Variants in ATP10B observed in about 807,000 individuals in gnomAD.
The protein encoded by ATP10B is phospholipid-transporting ATPase VB.
A neutral mutation model predicts 141.2 loss-of-function variants in ATP10B; 122 were observed. The ratio of observed to expected loss-of-function variants is 0.86; its 90% confidence interval spans 0.75 to 1.00. The LOEUF (loss-of-function observed/expected upper bound fraction) is 1.00, where lower values mean the gene tolerates loss of function less well. Ranked by LOEUF, ATP10B falls within the 50% of genes least tolerant of loss-of-function variation. ATP10B has a pLI of 0.00. For missense variants in ATP10B, 1,876 were observed against 1,825.3 expected (o/e 1.03, Z -0.51); for synonymous variants, 685 against 692.0 (o/e 0.99, Z 0.16).
At chr5:160,810,228 A>G (rs906213867) in intron 1 of ATP10B, among the ~76,000 whole-genome samples, 46 of 151,748 alleles carry the variant, frequency 3.0e-4, no homozygotes, top group African/African-American at 1.1e-3. Context: ...TAATTATGTC[A>G]TCTTCTTTCA....
chr5:160,640,192 C>T (rs763652133), intron 10 of ATP10B, among the ~76,000 whole-genome samples: 4 of 152,194 alleles, frequency 2.6e-5, no homozygotes, highest in African/African-American at 7.2e-5. Flanking sequence ...CAGTCTGATT[C>T]GTCTTGTTTT....
At chr5:160,875,525 C>T in the ATP10B span, among the ~76,000 whole-genome samples, 1 of 91,594 alleles carries the variant, frequency 1.1e-5, no homozygotes, top group Non-Finnish European at 2.7e-5. Context: ...ATCAAATTCA[C>T]ACATAACAAT....
At chr5:160,616,050 T>C (rs1757978047) in intron 16 of ATP10B, 86 bp from the exon 17 acceptor site, 2 of 1,465,758 alleles carry the variant, frequency 1.4e-6, no homozygotes, top group East Asian at 4.7e-5. Flanking sequence ...GGGTCTCCTA[T>C]TGGCCTGTTT....
chr5:160,733,551 G>A (rs1766882544), intron 2 of ATP10B, among the ~76,000 whole-genome samples: 1 of 151,668 alleles, frequency 6.6e-6, no homozygotes, highest in South Asian at 2.1e-4. Context: ...AAATGAGAGG[G>A]GTCAGAGAAA....
At chr5:160,764,074 C>G (rs1322351134) in intron 2 of ATP10B, among the ~76,000 whole-genome samples, 1 of 151,918 alleles carries the variant, frequency 6.6e-6, no homozygotes, top group African/African-American at 2.4e-5. Flanking sequence ...TAAAAATTGT[C>G]AAGAAAATAA....
chr5:160,921,858 A>G, the ATP10B span, among the ~76,000 whole-genome samples: 2 of 152,180 alleles, frequency 1.3e-5, no homozygotes, highest in South Asian at 4.1e-4. Flanking sequence ...TTTGGGCCTC[A>G]TGACTTATAC....
intron 15 of ATP10B, among the ~76,000 whole-genome samples, chr5:160,620,138 C>G (rs879887711): frequency 2.0e-5 from 3 of 152,190 alleles, no homozygotes; most frequent in Non-Finnish European, 4.4e-5. Flanking sequence ...TTTAAATATG[C>G]TAATGGACAC....
chr5:160,804,085 G>C (rs1374298473), intron 1 of ATP10B, among the ~76,000 whole-genome samples: 1 of 152,098 alleles, frequency 6.6e-6, no homozygotes, highest in African/African-American at 2.4e-5. Flanking sequence ...ACAAAACTAA[G>C]TCAAATGTCC....
At chr5:160,785,043 T>G (rs1771030820) in intron 2 of ATP10B, among the ~76,000 whole-genome samples, 1 of 151,910 alleles carries the variant, frequency 6.6e-6, no homozygotes, top group Admixed American at 6.6e-5. Flanking sequence ...TAGGCAAGGG[T>G]GTGTAACACA....
intron 8 of ATP10B, among the ~76,000 whole-genome samples, chr5:160,645,683 A>G (rs1334262986): frequency 6.6e-6 from 1 of 152,186 alleles, no homozygotes; most frequent in African/African-American, 2.4e-5. Flanking sequence ...TTCCTTTGAG[A>G]TTTTCAGCAA....
chr5:160,655,590 A>T (rs1761436802), intron 7 of ATP10B, among the ~76,000 whole-genome samples: 2 of 152,146 alleles, frequency 1.3e-5, no homozygotes, highest in Admixed American at 6.5e-5. Context: ...TGCAAAGCAG[A>T]CCTCACTGTA....
chr5:160,667,235 C>T (rs926424463), intron 7 of ATP10B, among the ~76,000 whole-genome samples: 8 of 151,708 alleles, frequency 5.3e-5, no homozygotes, highest in African/African-American at 1.9e-4. Context: ...AAACAAAAAA[C>T]AAAACAAAAC....
rs58517660 is a variant in ATP10B at position 160,787,105 on chromosome 5, G to GACACACAC, written c.-575-1310_-575-1303dup. ...CTGCTCCTTGAAGGGTTTTGACACAGACACACACACACACACACACACACA... is the reference window on the plus strand; with the variant it reads ...CTGCTCCTTGAAGGGTTTTGACACAGACACACACACACACACACACACACACACACACA... On this transcript the variant is annotated intron_variant, in intron 1 of 25. Coordinates refer to ENST00000327245, the MANE Select transcript of ATP10B (RefSeq NM_025153.3). Among the ~76,000 whole-genome samples the GACACACAC allele has an allele frequency of 1.1e-3, 143 of 133,650 alleles. 3 individuals carry two copies. The highest frequency in any genetic ancestry group is 3.9e-3 in the Middle Eastern group (1 of 256). The allele number at this position is 133,650 out of a possible 152,430, so 87.7% of individuals were successfully genotyped here. A position where few individuals can be genotyped will look rare whatever the true frequency, so the allele number is the denominator to read the frequency against.
At chr5:160,601,038 A>G (rs1415579088) in intron 21 of ATP10B, among the ~76,000 whole-genome samples, 1 of 146,910 alleles carries the variant, frequency 6.8e-6, no homozygotes, top group Non-Finnish European at 1.5e-5. Context: ...TATTCAAAAG[A>G]ATTATTCCTT....
chr5:160,810,700 A>G (rs1055315464), intron 1 of ATP10B, among the ~76,000 whole-genome samples: 2 of 152,114 alleles, frequency 1.3e-5, no homozygotes, highest in Non-Finnish European at 2.9e-5. Context: ...AATTCTGTAA[A>G]TTTATTTATA....
chr5:160,625,553 A>G (rs550775578), intron 13 of ATP10B, among the ~76,000 whole-genome samples: 1 of 152,224 alleles, frequency 6.6e-6, no homozygotes, highest in Non-Finnish European at 1.5e-5. Flanking sequence ...TGTCAGAAGG[A>G]GGAAACTGCT....
At chr5:160,860,019 CTTTT>C in the ATP10B span, among the ~76,000 whole-genome samples, 3 of 151,762 alleles carry the variant, frequency 2.0e-5, no homozygotes, top group African/African-American at 7.3e-5. Context: ...GTATATTACT[CTTTT>C]TATTTCTAAA....
At chr5:160,895,935 C>G in the ATP10B span, among the ~76,000 whole-genome samples, 2 of 152,124 alleles carry the variant, frequency 1.3e-5, no homozygotes, top group South Asian at 2.1e-4. Flanking sequence ...ACAACCTTCT[C>G]CTGAATGACT....
In ATP10B at chr5:160,763,099, G is replaced by A. The variant is rs570307578; in HGVS notation, c.-331+22460C>T. Among the ~76,000 whole-genome samples the A allele has an allele frequency of 6.6e-5, 10 of 151,998 alleles. No individual in the cohort carries two copies. In the South Asian group the frequency reaches 1.0e-3, roughly 16 times the overall value. On this transcript the variant is annotated intron_variant, in intron 2 of 25. Transcript: ENST00000327245. Reference sequence around the variant, plus strand: ...ACTAGACCTAAGAAATGAGATAGACGGCAACATAATAATTGTAGAGGACTT... The same window carrying A: ...ACTAGACCTAAGAAATGAGATAGACAGCAACATAATAATTGTAGAGGACTT...
Sources: allele counts gnomAD v4.1 joint callset (sites outside exome capture counted in the v4.1 genomes callset), GRCh38; gene constraint gnomAD v4.1.1; transcripts MANE v1.5; gene names NCBI Gene and HGNC (gene_info 2026-07-23, HGNC 2026-07-21).